ZMYND8: variants seen among roughly 807,000 people sequenced by gnomAD.
The protein encoded by ZMYND8 is MYND-type zinc finger-containing chromatin reader ZMYND8.
In ZMYND8, 37 loss-of-function variants were observed where a neutral mutation model predicts 140.8. The ratio of observed to expected loss-of-function variants is 0.26; its 90% confidence interval spans 0.20 to 0.35. ZMYND8 has a LOEUF of 0.35. Ranked by LOEUF, ZMYND8 falls within the 10% of genes least tolerant of loss-of-function variation. ZMYND8 has a pLI of 1.00. For synonymous variants in ZMYND8, 592 were observed against 597.1 expected (o/e 0.99, Z 0.12); for missense variants, 1,068 against 1,570.0 (o/e 0.68, Z 5.40).
chr20:47,237,979 T>A (rs1458855638), intron 15 of ZMYND8: 6 of 152,268 alleles, frequency 3.9e-5, no homozygotes, highest in Admixed American at 1.3e-4. Flanking sequence ...ATCTTGTGTG[T>A]GTGACGAATC....
At chr20:47,348,882 G>C (rs2082551287) in intron 1 of ZMYND8, 1 of 152,244 alleles carries the variant, frequency 6.6e-6, no homozygotes, top group Admixed American at 6.5e-5. Flanking sequence ...CATTCAGGCT[G>C]ACACTGAAGT....
intron 2 of ZMYND8, among the ~76,000 whole-genome samples, chr20:47,312,228 C>G (rs1388567846): frequency 1.3e-5 from 2 of 152,166 alleles, no homozygotes; most frequent in African/African-American, 4.8e-5. Context: ...TAACAGCATC[C>G]AACGTGGTCC....
At chr20:47,313,429 T>C (rs749730029) in intron 2 of ZMYND8, among the ~76,000 whole-genome samples, 19 of 151,140 alleles carry the variant, frequency 1.3e-4, no homozygotes, top group South Asian at 2.1e-4. Context: ...GAGACCATCC[T>C]GGCTAACATG....
intron 10 of ZMYND8, 53 bp downstream of exon 10, chr20:47,282,049 A>G: frequency 7.0e-7 from 1 of 1,428,796 alleles, no homozygotes; most frequent in Non-Finnish European, 9.7e-7. Context: ...ATCTCATAAC[A>G]GTATCAAAGT....
intron 10 of ZMYND8, among the ~76,000 whole-genome samples, chr20:47,279,583 T>A (rs2076476329): frequency 6.6e-6 from 1 of 152,124 alleles, no homozygotes; most frequent in Admixed American, 6.6e-5. Context: ...GGGGACAATA[T>A]CTAGTTTCAC....
intron 14 of ZMYND8, among the ~76,000 whole-genome samples, chr20:47,242,629 C>T (rs542687401): frequency 5.9e-5 from 9 of 152,340 alleles, no homozygotes; most frequent in African/African-American, 2.2e-4. Context: ...CGTTTTCTCT[C>T]TCCTGATTTG....
intron 14 of ZMYND8, among the ~76,000 whole-genome samples, chr20:47,243,079 G>A (rs1359959420): frequency 6.6e-6 from 1 of 152,230 alleles, no homozygotes; most frequent in Non-Finnish European, 1.5e-5. Flanking sequence ...GCACAGCGAA[G>A]AGTCTAAGTG....
chr20:47,356,552 G>A, intron 1 of ZMYND8, 105 bp downstream of exon 1: 1 of 1,613,554 alleles, frequency 6.2e-7, no homozygotes, highest in Non-Finnish European at 8.5e-7. Flanking sequence ...AAGTGCTCTG[G>A]GGGTGAGTGT....
chr20:47,293,852 G>A (rs954403368), intron 5 of ZMYND8, among the ~76,000 whole-genome samples: 2 of 152,166 alleles, frequency 1.3e-5, no homozygotes, highest in African/African-American at 4.8e-5. Flanking sequence ...GGAGGTGACT[G>A]GATTATGGGG....
At position 47,310,046 on chromosome 20, in the gene ZMYND8, G is replaced by T. The variant is rs1405732667; in HGVS notation, c.234+10C>A. ...ACCAGTGAGGACACCGTTCCCAGCGGCTGCTTTACCTGCTCCTTATTGTTA... is the reference window on the plus strand; with the variant it reads ...ACCAGTGAGGACACCGTTCCCAGCGTCTGCTTTACCTGCTCCTTATTGTTA... On this transcript the variant is annotated intron_variant, in intron 3 of 22. Transcript: ENST00000471951. The T allele has an allele frequency of 1.2e-6, 2 of 1,614,126 alleles. No homozygotes were observed. The highest frequency in any genetic ancestry group is 1.7e-6 in the Non-Finnish European group (2 of 1,180,012).
At position 47,324,269 on chromosome 20, in the gene ZMYND8, C is replaced by A. The variant is rs547898765; in HGVS notation, c.86-14065G>T. ...TGGTGTCTCACGTCTGTAATCCCAGCACTTTGGGAGGCCAAGGCAGGTGGA... is the reference window on the plus strand; with the variant it reads ...TGGTGTCTCACGTCTGTAATCCCAGAACTTTGGGAGGCCAAGGCAGGTGGA... On this transcript the variant is annotated intron_variant, in intron 2 of 22. Coordinates refer to ENST00000471951, the MANE Select transcript of ZMYND8 (RefSeq NM_001281775.3). 2.6e-5 allele frequency among the ~76,000 whole-genome samples: 4 copies of A among 151,208 alleles called. No homozygotes were observed. The East Asian group carries it at 7.8e-4, about 29-fold the overall frequency.
rs1017810746 is a variant in ZMYND8 at position 47,310,211 on chromosome 20, G to C, written c.86-7C>G. The C allele has an allele frequency of 1.3e-6, 2 of 1,597,596 alleles. No homozygotes were observed. Among genetic ancestry groups the C allele is most frequent in the South Asian group, 1.1e-5 (1 of 87,954 alleles). On this transcript the variant is annotated splice_region_variant and splice_polypyrimidine_tract_variant and intron_variant, in intron 2 of 22. Coordinates refer to ENST00000471951, the MANE Select transcript of ZMYND8 (RefSeq NM_001281775.3). ...CTCTCTGCAGAGCCAGGATCTGAAA[G>C]AGATACAGGACCACAGGTTTTAAAG...
intron 4 of ZMYND8, among the ~76,000 whole-genome samples, chr20:47,295,866 T>C (rs546998390): frequency 1.3e-5 from 2 of 152,318 alleles, no homozygotes; most frequent in East Asian, 3.9e-4. Flanking sequence ...ATTCTGATCA[T>C]GTCAGGAAAC....
chr20:47,241,342 T>C (rs2039949460), intron 14 of ZMYND8, among the ~76,000 whole-genome samples: 1 of 142,338 alleles, frequency 7.0e-6, no homozygotes, highest in African/African-American at 2.6e-5. Context: ...AAGTCAAAAA[T>C]TATACAAGCA....
chr20:47,249,454 C>G lies in ZMYND8; in HGVS notation c.1622-15G>C, dbSNP rs1195998056. ...TTTGCTTCGATCTGAAAGAAACCAT[C>G]ACACCCTCGTAAGATCAGGCACACA... is the stretch of plus-strand genomic sequence containing the variant. On this transcript the variant is annotated splice_polypyrimidine_tract_variant and intron_variant, in intron 12 of 22. Transcript: ENST00000471951. 2 of 1,613,408 alleles carry G rather than the reference C, an allele frequency of 1.2e-6. No homozygotes were observed. Among genetic ancestry groups the G allele is most frequent in the Admixed American group, 1.7e-5 (1 of 59,944 alleles).
intron 2 of ZMYND8, among the ~76,000 whole-genome samples, chr20:47,312,658 C>T (rs372257421): frequency 5.3e-5 from 8 of 152,158 alleles, no homozygotes; most frequent in Non-Finnish European, 8.8e-5. Flanking sequence ...GGCATGGTAG[C>T]GCACACCCAT....
intron 2 of ZMYND8, chr20:47,319,911 A>C (rs553674181): frequency 5.4e-5 from 8 of 148,628 alleles, no homozygotes; most frequent in African/African-American, 2.0e-4. Context: ...ACATGTGTAC[A>C]TGAGGCCCTT....
At chr20:47,316,754 C>G (rs2079430168) in intron 2 of ZMYND8, among the ~76,000 whole-genome samples, 2 of 150,208 alleles carry the variant, frequency 1.3e-5, no homozygotes, top group Non-Finnish European at 3.0e-5. Flanking sequence ...AAGATCGCAC[C>G]ACTGCACTCC....
chr20:47,288,506 G>A (rs1052465451), intron 7 of ZMYND8, among the ~76,000 whole-genome samples: 11 of 150,744 alleles, frequency 7.3e-5, no homozygotes, highest in African/African-American at 2.4e-4. Context: ...CGATTCTTGC[G>A]CCTCAGCCTC....
Sources: gnomAD v4.1 joint callset for allele counts (sites outside exome capture counted in the v4.1 genomes callset) on GRCh38, gnomAD v4.1.1 for gene constraint, MANE v1.5 for transcripts, NCBI Gene and HGNC (gene_info 2026-07-23, HGNC 2026-07-21) for gene names.